The following RGS5 variants were observed in gnomAD, a reference collection of about 807,000 sequenced individuals.
RGS5 encodes regulator of G protein signaling 5.
A neutral mutation model predicts 18.9 loss-of-function variants in RGS5; 20 were observed. The observed-to-expected ratio is 1.06, with a 90% CI of 0.74 to 1.54. The LOEUF (loss-of-function observed/expected upper bound fraction) is 1.54. Among genes scored for constraint, RGS5 ranks in the 40% most tolerant of loss-of-function variants. RGS5 has a pLI of 0.00. For synonymous variants in RGS5, 57 were observed against 76.2 expected (o/e 0.75, Z 1.31); for missense variants, 201 against 211.8 (o/e 0.95, Z 0.32).
At chr1:163,263,159 GA>G (rs1408521588) in intron 2 of RGS5, among the ~76,000 whole-genome samples, 1 of 152,126 alleles carries the variant, frequency 6.6e-6, no homozygotes, top group Admixed American at 6.5e-5. Flanking sequence ...TCTTACAAAA[GA>G]TCTTCTGTAA....
At chr1:163,237,062 C>T (rs1647640879) in intron 2 of RGS5, among the ~76,000 whole-genome samples, 1 of 151,910 alleles carries the variant, frequency 6.6e-6, no homozygotes, top group African/African-American at 2.4e-5. Context: ...GTTCTATGCA[C>T]TTACAAAAAA....
intron 1 of RGS5, among the ~76,000 whole-genome samples, chr1:163,320,615 T>C (rs1650168581): frequency 6.6e-6 from 1 of 152,210 alleles, no homozygotes; most frequent in Non-Finnish European, 1.5e-5. Context: ...CAAGTGTCAA[T>C]GAGACAGGTC....
intron 3 of RGS5, among the ~76,000 whole-genome samples, chr1:163,154,529 G>A (rs1178021609): frequency 1.3e-5 from 2 of 151,740 alleles, no homozygotes; most frequent in African/African-American, 2.4e-5. Flanking sequence ...GCAATGGTAG[G>A]TATAATAAAC....
At chr1:163,296,790 C>A (rs978285124) in intron 2 of RGS5, among the ~76,000 whole-genome samples, 1 of 152,050 alleles carries the variant, frequency 6.6e-6, no homozygotes, top group African/African-American at 2.4e-5. Flanking sequence ...GGTACACTAC[C>A]CCAAAATATG....
chr1:163,231,843 G>T (rs1202738537), intron 2 of RGS5, among the ~76,000 whole-genome samples: 1 of 151,734 alleles, frequency 6.6e-6, no homozygotes. Context: ...GAAACAGCAG[G>T]CCTTCCACCT....
intron 2 of RGS5, among the ~76,000 whole-genome samples, chr1:163,258,029 C>A (rs1237297641): frequency 6.6e-6 from 1 of 152,150 alleles, no homozygotes; most frequent in Non-Finnish European, 1.5e-5. Context: ...TGCTGTGTTC[C>A]CACCAGCTCA....
chr1:163,211,247 G>A (rs1660094836), intron 1 of RGS5: 1 of 152,016 alleles, frequency 6.6e-6, no homozygotes, highest in African/African-American at 2.4e-5. Context: ...GGAGAGAAAT[G>A]GTACGTTAAC....
At chr1:163,296,149 C>G (rs1023194261) in intron 2 of RGS5, among the ~76,000 whole-genome samples, 1 of 152,148 alleles carries the variant, frequency 6.6e-6, no homozygotes, top group Non-Finnish European at 1.5e-5. Context: ...TGTAAATAAT[C>G]AGGACATGAT....
intron 1 of RGS5, among the ~76,000 whole-genome samples, chr1:163,191,782 G>A (rs1034973564): frequency 2.6e-5 from 4 of 152,156 alleles, no homozygotes; most frequent in African/African-American, 7.2e-5. Flanking sequence ...ACTCTTGGTG[G>A]CCTCCTGGAT....
chr1:163,154,930 TAA>T (rs1172420181), intron 3 of RGS5, among the ~76,000 whole-genome samples: 2 of 143,846 alleles, frequency 1.4e-5, no homozygotes, highest in Non-Finnish European at 3.0e-5. Context: ...ACTAAAACTA[TAA>T]GACTAAAATT....
intron 2 of RGS5, among the ~76,000 whole-genome samples, chr1:163,230,085 A>C (rs1325942415): frequency 1.3e-5 from 2 of 152,358 alleles, no homozygotes; most frequent in African/African-American, 4.8e-5. Flanking sequence ...ATAATACTCC[A>C]TCAAACTCAT....
intron 1 of RGS5, among the ~76,000 whole-genome samples, chr1:163,169,621 G>A (rs1015347232): frequency 1.3e-5 from 2 of 152,088 alleles, no homozygotes; most frequent in Non-Finnish European, 2.9e-5. Flanking sequence ...CAGTGATGAT[G>A]AGCATTTTTT....
intron 2 of RGS5, among the ~76,000 whole-genome samples, chr1:163,259,236 C>A (rs1407824883): frequency 6.6e-6 from 1 of 151,932 alleles, no homozygotes; most frequent in African/African-American, 2.4e-5. Context: ...ACTGCAAGCT[C>A]CAACTTCCGG....
intron 4 of RGS5, among the ~76,000 whole-genome samples, chr1:163,152,026 A>G (rs1384990105): frequency 1.3e-5 from 2 of 152,188 alleles, no homozygotes; most frequent in Non-Finnish European, 2.9e-5. Flanking sequence ...AATTTTGGGC[A>G]TGAAAAAAGT....
At position 163,143,282 on chromosome 1, in the gene RGS5, T is replaced by C. The variant is rs1237121179; in HGVS notation, c.*4060A>G. 16 of 152,180 alleles carry C rather than the reference T, an allele frequency of 1.1e-4. No homozygotes were observed. Among genetic ancestry groups the C allele is most frequent in the Admixed American group, 1.0e-3 (16 of 15,280 alleles). The allele number at this position is 152,180 out of a possible 1,614,324, so 9.4% of individuals were successfully genotyped here. A position where few individuals can be genotyped will look rare whatever the true frequency, so the allele number is the denominator to read the frequency against. ...TAAGCCAGAGAGGTTTAATAGCAGT[T>C]GAGCCAGCATAAACCAAGATGCACC... On this transcript the variant is annotated 3_prime_UTR_variant, in exon 5 of 5. Transcript: ENST00000313961.
intron 2 of RGS5, among the ~76,000 whole-genome samples, chr1:163,294,717 T>C (rs1455571838): frequency 6.6e-6 from 1 of 152,220 alleles, no homozygotes; most frequent in Admixed American, 6.5e-5. Context: ...AGGCTGCAAA[T>C]TTTCCAAACC....
At chr1:163,315,383 C>T (rs1247086190) in intron 1 of RGS5, among the ~76,000 whole-genome samples, 1 of 152,052 alleles carries the variant, frequency 6.6e-6, no homozygotes, top group Non-Finnish European at 1.5e-5. Context: ...ATAGTGAGAC[C>T]CCATCTCTAC....
intron 1 of RGS5, 140 bp from the exon 2 acceptor site, chr1:163,168,508 T>G: frequency 3.1e-6 from 2 of 647,170 alleles, no homozygotes; most frequent in Non-Finnish European, 5.5e-6. Flanking sequence ...GAAAGAATAC[T>G]AATGCAGAAA....
At chr1:163,243,017 G>A (rs1476809661) in intron 2 of RGS5, among the ~76,000 whole-genome samples, 3 of 152,132 alleles carry the variant, frequency 2.0e-5, no homozygotes, top group Admixed American at 1.3e-4. Flanking sequence ...TTGTATAGGT[G>A]TCTTTATACA....
Sources: gnomAD v4.1 joint callset for allele counts (sites outside exome capture counted in the v4.1 genomes callset) on GRCh38, gnomAD v4.1.1 for gene constraint, MANE v1.5 for transcripts, NCBI Gene and HGNC (gene_info 2026-07-23, HGNC 2026-07-21) for gene names.